The following FAT3 variants were observed in gnomAD, a reference collection of about 807,000 sequenced individuals.
FAT3 encodes protocadherin Fat 3.
In FAT3, 95 loss-of-function variants were observed where a neutral mutation model predicts 310.2. That is an observed-to-expected ratio of 0.31 (90% CI 0.26 to 0.36). The LOEUF (loss-of-function observed/expected upper bound fraction) is 0.36. Among genes scored for constraint, FAT3 ranks in the 10% least tolerant of loss-of-function variants. The probability of loss-of-function intolerance (pLI) is 1.00; values close to 1 mark genes in which losing one functional copy is unlikely to be tolerated. For synonymous variants in FAT3, 2,314 were observed against 2,192.9 expected, an observed-to-expected ratio of 1.06 and a Z score of -1.54; for missense variants, 5,408 against 5,715.6, an observed-to-expected ratio of 0.95 and a Z score of 1.74.
intron 4 of FAT3, among the ~76,000 whole-genome samples, chr11:92,752,049 CATA>C (rs1434145817): frequency 2.6e-5 from 4 of 152,136 alleles, no homozygotes; most frequent in African/African-American, 7.2e-5. Context: ...GGCAGCAGCA[CATA>C]ATGTTTTAGA....
At chr11:92,566,098 C>A (rs1955430156) in intron 3 of FAT3, among the ~76,000 whole-genome samples, 1 of 152,152 alleles carries the variant, frequency 6.6e-6, no homozygotes, top group Non-Finnish European at 1.5e-5. Flanking sequence ...GTCGAATTGT[C>A]CCTGTTTGCA....
chr11:92,879,961 T>G (rs1420238325), intron 22 of FAT3, among the ~76,000 whole-genome samples: 4 of 152,098 alleles, frequency 2.6e-5, no homozygotes, highest in Non-Finnish European at 5.9e-5. Flanking sequence ...CTTACGGTTT[T>G]TTTTAAAGGA....
At chr11:92,243,958 GTCTT>G (rs1284361235) in intron 1 of FAT3, among the ~76,000 whole-genome samples, 3 of 151,978 alleles carry the variant, frequency 2.0e-5, no homozygotes, top group African/African-American at 7.2e-5. Context: ...TAAATTTAAT[GTCTT>G]TCTTATTATT....
chr11:92,513,968 G>A (rs1179000948), intron 2 of FAT3, among the ~76,000 whole-genome samples: 1 of 152,120 alleles, frequency 6.6e-6, no homozygotes, highest in Non-Finnish European at 1.5e-5. Context: ...GGCATATGGG[G>A]ATATGGCTAG....
chr11:92,835,163 C>T (rs571146668), intron 15 of FAT3, 79 bp downstream of exon 15: 49 of 1,269,922 alleles, frequency 3.9e-5, no homozygotes, highest in African/African-American at 1.3e-4. Context: ...AAGCAAAGTC[C>T]GTCTTGGGTT....
intron 2 of FAT3, among the ~76,000 whole-genome samples, chr11:92,501,536 C>A (rs1295641635): frequency 6.6e-6 from 1 of 151,944 alleles, no homozygotes; most frequent in Non-Finnish European, 1.5e-5. Flanking sequence ...GTGTGAAAGC[C>A]GTCTAGTAAC....
intron 3 of FAT3, among the ~76,000 whole-genome samples, chr11:92,564,248 T>A (rs1353020786): frequency 1.3e-5 from 2 of 151,694 alleles, no homozygotes; most frequent in African/African-American, 4.9e-5. Flanking sequence ...TAGTCTCTGA[T>A]AAAACAGACT....
intron 3 of FAT3, among the ~76,000 whole-genome samples, chr11:92,586,099 T>G (rs577869271): frequency 9.2e-5 from 14 of 152,126 alleles, no homozygotes; most frequent in African/African-American, 3.1e-4. Context: ...AGAAGGATGT[T>G]TCAGATAGAA....
chr11:92,300,916 G>A (rs998345306), intron 1 of FAT3, among the ~76,000 whole-genome samples: 1 of 151,982 alleles, frequency 6.6e-6, no homozygotes, highest in Non-Finnish European at 1.5e-5. Context: ...TCTCTCTCTG[G>A]GATTGTTTCG....
chr11:92,467,946 C>G (rs1039298010), intron 2 of FAT3, among the ~76,000 whole-genome samples: 4 of 152,140 alleles, frequency 2.6e-5, no homozygotes, highest in Admixed American at 6.5e-5. Flanking sequence ...TTTAGAAAGG[C>G]AATTGGGAGT....
chr11:92,805,436 C>G, intron 11 of FAT3, 87 bp downstream of exon 11: 1 of 1,399,026 alleles, frequency 7.1e-7, no homozygotes, highest in East Asian at 2.5e-5. Context: ...TAAGGCCAGG[C>G]AAACTTCTGC....
chr11:92,528,803 A>G (rs921192393), intron 3 of FAT3, among the ~76,000 whole-genome samples: 5 of 152,220 alleles, frequency 3.3e-5, no homozygotes, highest in Non-Finnish European at 7.3e-5. Flanking sequence ...TGTTTACACC[A>G]TGGAAACCCC....
intron 22 of FAT3, among the ~76,000 whole-genome samples, chr11:92,878,720 A>C (rs2136390280): frequency 6.6e-6 from 1 of 150,978 alleles, no homozygotes; most frequent in African/African-American, 2.4e-5. Context: ...AATCTCAATA[A>C]AAGTGAAGGA....
At chr11:92,431,048 A>G (rs1248908854) in intron 2 of FAT3, among the ~76,000 whole-genome samples, 2 of 152,134 alleles carry the variant, frequency 1.3e-5, no homozygotes, top group African/African-American at 4.8e-5. Context: ...GCTGGGTCAA[A>G]TGTTATTTCT....
At chr11:92,478,048 A>G (rs1952095399) in intron 2 of FAT3, among the ~76,000 whole-genome samples, 1 of 152,248 alleles carries the variant, frequency 6.6e-6, no homozygotes, top group Admixed American at 6.5e-5. Context: ...TGGGGAAAAG[A>G]TTCCAGCATA....
chr11:92,608,404 C>T (rs1314647882), intron 3 of FAT3, among the ~76,000 whole-genome samples: 2 of 152,016 alleles, frequency 1.3e-5, no homozygotes, highest in African/African-American at 2.4e-5. Context: ...ACTTTTCAAC[C>T]TTGTGTTCAT....
intron 14 of FAT3, among the ~76,000 whole-genome samples, chr11:92,833,227 C>T (rs1948313381): frequency 6.6e-6 from 1 of 152,100 alleles, no homozygotes; most frequent in African/African-American, 2.4e-5. Context: ...ACTTATTTCC[C>T]AATTCCCCTA....
intron 3 of FAT3, among the ~76,000 whole-genome samples, chr11:92,543,436 G>C (rs1336312488): frequency 6.6e-6 from 1 of 152,114 alleles, no homozygotes; most frequent in Non-Finnish European, 1.5e-5. Context: ...ACATCATACT[G>C]TTCCCACTAA....
intron 2 of FAT3, among the ~76,000 whole-genome samples, chr11:92,446,585 A>G (rs1193089995): frequency 2.0e-5 from 3 of 152,218 alleles, no homozygotes; most frequent in Admixed American, 2.0e-4. Context: ...TATGAAATAA[A>G]CATTTTTCAA....
Sources: allele counts gnomAD v4.1 joint callset (sites outside exome capture counted in the v4.1 genomes callset), GRCh38; gene constraint gnomAD v4.1.1; transcripts MANE v1.5; gene names NCBI Gene and HGNC (gene_info 2026-07-23, HGNC 2026-07-21).